Variants in LRMDA observed in about 807,000 individuals in gnomAD.
LRMDA encodes leucine rich melanocyte differentiation associated, also known as leucine-rich melanocyte differentiation-associated protein.
LRMDA carries 18 observed loss-of-function variants against 29.8 expected under a neutral mutation model. The observed-to-expected ratio is 0.60, with a 90% CI of 0.42 to 0.90. The LOEUF (loss-of-function observed/expected upper bound fraction) is 0.90, where lower values mean the gene tolerates loss of function less well. LRMDA is among the 40% of genes least tolerant of loss of function. The probability of loss-of-function intolerance (pLI) is 0.00; values close to 1 mark genes in which losing one functional copy is unlikely to be tolerated. For missense variants in LRMDA, 273 were observed against 273.9 expected (o/e 1.00, Z 0.02); for synonymous variants, 125 against 109.4 (o/e 1.14, Z -0.89).
chr10:76,394,545 G>A (rs1388784717), intron 6 of LRMDA, among the ~76,000 whole-genome samples: 2 of 152,142 alleles, frequency 1.3e-5, no homozygotes, highest in East Asian at 1.9e-4. Context: ...GTTACACTGT[G>A]TCCAGTTATG....
chr10:75,662,390 C>T (rs944091456), intron 2 of LRMDA, among the ~76,000 whole-genome samples: 3 of 152,054 alleles, frequency 2.0e-5, no homozygotes, highest in African/African-American at 4.8e-5. Context: ...GAAAGCGACA[C>T]GGAAACACAT....
rs546376032 is a variant in LRMDA at position 76,479,818 on chromosome 10, A to G, written c.602-77391A>G. On this transcript the variant is annotated intron_variant, in intron 6 of 6. Coordinates refer to ENST00000611255, the MANE Select transcript of LRMDA (RefSeq NM_001305581.2). ...TCCTGAGACTGATAATATACCCTAT[A>G]TGAGCCTTATATGCTTTGACCTTGC... Among the ~76,000 whole-genome samples the G allele has an allele frequency of 7.9e-5, 12 of 152,024 alleles. No individual in the cohort carries two copies. In the South Asian group the frequency reaches 8.3e-4, roughly 11 times the overall value.
At chr10:76,539,956 C>A (rs1329250459) in intron 6 of LRMDA, among the ~76,000 whole-genome samples, 1 of 151,786 alleles carries the variant, frequency 6.6e-6, no homozygotes, top group Non-Finnish European at 1.5e-5. Flanking sequence ...ACTCTGAGTT[C>A]TGATTTGGCG....
intron 2 of LRMDA, among the ~76,000 whole-genome samples, chr10:75,618,062 T>C (rs1771452718): frequency 6.6e-6 from 1 of 152,188 alleles, no homozygotes; most frequent in African/African-American, 2.4e-5. Flanking sequence ...CTAAGGGATA[T>C]TCTTTGGGAA....
chr10:75,805,851 T>G (rs1467925397), intron 2 of LRMDA, among the ~76,000 whole-genome samples: 1 of 152,178 alleles, frequency 6.6e-6, no homozygotes, highest in African/African-American at 2.4e-5. Flanking sequence ...AGTGTTGTAT[T>G]TTTGAGGATA....
intron 2 of LRMDA, among the ~76,000 whole-genome samples, chr10:75,626,510 G>A (rs1255922540): frequency 6.6e-6 from 1 of 152,198 alleles, no homozygotes; most frequent in African/African-American, 2.4e-5. Flanking sequence ...AGGCTGGGGT[G>A]ACAAGTGTCT....
chr10:75,457,053 A>C (rs1446040025), intron 2 of LRMDA, among the ~76,000 whole-genome samples: 1 of 152,234 alleles, frequency 6.6e-6, no homozygotes, highest in Admixed American at 6.5e-5. Context: ...CCATTCATCT[A>C]TCAGTTTTCC....
chr10:75,930,043 C>A (rs1185951987), intron 2 of LRMDA, among the ~76,000 whole-genome samples: 11 of 152,220 alleles, frequency 7.2e-5, no homozygotes, highest in Non-Finnish European at 1.2e-4. Context: ...TGAAGACTGT[C>A]AGTCATCCTG....
chr10:75,734,052 G>C (rs983559163), intron 2 of LRMDA, among the ~76,000 whole-genome samples: 5 of 152,174 alleles, frequency 3.3e-5, no homozygotes, highest in African/African-American at 1.2e-4. Context: ...AAGGGAGATG[G>C]TTATTGGATT....
intron 2 of LRMDA, among the ~76,000 whole-genome samples, chr10:75,882,403 T>C (rs1189151712): frequency 6.6e-6 from 1 of 152,206 alleles, no homozygotes; most frequent in South Asian, 2.1e-4. Flanking sequence ...AATTTCTTTG[T>C]TTTTTGAAAT....
chr10:76,398,929 C>A (rs1200570895), intron 6 of LRMDA, among the ~76,000 whole-genome samples: 1 of 152,080 alleles, frequency 6.6e-6, no homozygotes, highest in African/African-American at 2.4e-5. Flanking sequence ...CCTCTGATAG[C>A]TTTGGGAAAT....
intron 6 of LRMDA, among the ~76,000 whole-genome samples, chr10:76,343,533 G>A (rs1362332305): frequency 6.6e-6 from 1 of 152,034 alleles, no homozygotes; most frequent in Non-Finnish European, 1.5e-5. Context: ...TTATATGGAT[G>A]CCAAAAAGGC....
At chr10:76,213,810 G>A (rs115670992) in intron 5 of LRMDA, among the ~76,000 whole-genome samples, 2,040 of 152,286 alleles carry the variant, frequency 0.013, 46 homozygotes, top group African/African-American at 0.047. Flanking sequence ...TCACTGGGGG[G>A]ACATCATTGG....
At chr10:76,129,511 A>G (rs1849947662) in intron 5 of LRMDA, among the ~76,000 whole-genome samples, 1 of 152,232 alleles carries the variant, frequency 6.6e-6, no homozygotes, top group Middle Eastern at 3.4e-3. Context: ...GGTGTAGGGT[A>G]CTCAGCTCTG....
intron 2 of LRMDA, among the ~76,000 whole-genome samples, chr10:75,495,589 A>G (rs911322538): frequency 2.0e-5 from 3 of 152,180 alleles, no homozygotes; most frequent in African/African-American, 7.2e-5. Flanking sequence ...ACTTATCTCT[A>G]GAAACTTCCC....
chr10:76,215,164 C>G (rs2132250829), intron 5 of LRMDA, among the ~76,000 whole-genome samples: 1 of 152,312 alleles, frequency 6.6e-6, no homozygotes. Flanking sequence ...TCAGCTGTTT[C>G]TCTCATCAGT....
At chr10:76,519,093 G>A (rs942158510) in intron 6 of LRMDA, among the ~76,000 whole-genome samples, 5 of 152,262 alleles carry the variant, frequency 3.3e-5, no homozygotes, top group East Asian at 1.9e-4. Flanking sequence ...TGGATTGCTG[G>A]AGGAAAGGAG....
At chr10:76,272,104 CAT>C (rs1840075404) in intron 5 of LRMDA, among the ~76,000 whole-genome samples, 1 of 152,174 alleles carries the variant, frequency 6.6e-6, no homozygotes, top group South Asian at 2.1e-4. Context: ...TGGAGGATAG[CAT>C]ATGTTATTCC....
At chr10:75,585,448 A>G (rs1840644885) in intron 2 of LRMDA, among the ~76,000 whole-genome samples, 1 of 152,174 alleles carries the variant, frequency 6.6e-6, no homozygotes, top group African/African-American at 2.4e-5. Context: ...GTTGTTATGA[A>G]CATTCTTGTC....
Sources: gnomAD v4.1 joint callset for allele counts (sites outside exome capture counted in the v4.1 genomes callset) on GRCh38, gnomAD v4.1.1 for gene constraint, MANE v1.5 for transcripts, NCBI Gene and HGNC (gene_info 2026-07-23, HGNC 2026-07-21) for gene names.